The following MELTF variants were observed in gnomAD, a reference collection of about 807,000 sequenced individuals.
The protein encoded by MELTF is antigen p97 (melanoma associated) identified by monoclonal antibodies 133.2 and 96.5.
In MELTF, 67 loss-of-function variants were observed where a neutral mutation model predicts 83.7. The observed-to-expected ratio is 0.80, with a 90% CI of 0.66 to 0.98. MELTF has a LOEUF of 0.98. MELTF is among the 50% of genes least tolerant of loss of function. The pLI is 0.00. For missense variants in MELTF, 1,002 were observed against 1,035.6 expected (o/e 0.97, Z 0.44); for synonymous variants, 462 against 447.6 (o/e 1.03, Z -0.41).
chr3:197,020,802 G>A (rs1048714943), intron 6 of MELTF, among the ~76,000 whole-genome samples: 1 of 151,990 alleles, frequency 6.6e-6, no homozygotes, highest in Non-Finnish European at 1.5e-5. Context: ...CCAAGTAGCT[G>A]GGATTTGAGG....
intron 3 of MELTF, 81 bp downstream of exon 3, chr3:197,026,579 C>A: frequency 7.6e-7 from 1 of 1,308,764 alleles, no homozygotes; most frequent in Admixed American, 1.7e-5. Context: ...ATGGCCAGCT[C>A]AGGCCAGGCC....
chr3:197,021,358 G>A (rs765553732), intron 6 of MELTF, 46 bp downstream of exon 6: 2 of 1,599,408 alleles, frequency 1.3e-6, no homozygotes, highest in Admixed American at 3.3e-5. Context: ...AAGCCGGCCT[G>A]GCCTGACTCC....
chr3:197,003,378 G>T lies in MELTF; in HGVS notation c.2211C>A (p.Ala737=). The T allele has an allele frequency of 9.2e-7, 1 of 1,081,272 alleles. No homozygotes were observed. Among genetic ancestry groups the T allele is most frequent in the African/African-American group, 1.7e-5 (1 of 59,208 alleles). 67.0% of individuals were successfully genotyped at this position (1,081,272 alleles called of 1,614,324 possible). A position where few individuals can be genotyped will look rare whatever the true frequency, so the allele number is the denominator to read the frequency against. Reference sequence around the variant, plus strand: ...TGGGGCGGGGCGGCCGGGCTCAGAGGGCGGGCGGGAGCAGGCGGGCGGCGA... The same window carrying T: ...TGGGGCGGGGCGGCCGGGCTCAGAGTGCGGGCGGGAGCAGGCGGGCGGCGA... ...PALAARLLPP[A]L The change falls in exon 16 of 16, where the codon GCC becomes GCA. Residue 737 remains alanine, a synonymous_variant. Coordinates refer to ENST00000296350, the MANE Select transcript of MELTF (RefSeq NM_005929.6). The surrounding 1 kb of genome is among the most constrained non-coding windows in gnomAD (Gnocchi z 6.2).
chr3:197,011,204 C>T lies in MELTF; in HGVS notation c.1234-410G>A, dbSNP rs1435543255. ...GCCAGCACAGCGTGTGCTGCAATGC[C>T]TGTCTGTTAAATGCGTGTACAGATG... On this transcript the variant is annotated intron_variant, in intron 9 of 15. Coordinates refer to ENST00000296350, the MANE Select transcript of MELTF (RefSeq NM_005929.6). The surrounding 1 kb of genome is among the most constrained non-coding windows in gnomAD (Gnocchi z 4.2). 6.6e-6 allele frequency among the ~76,000 whole-genome samples: 1 copy of T among 152,224 alleles called. No homozygotes were observed. Among genetic ancestry groups the T allele is most frequent in the Admixed American group, 6.5e-5 (1 of 15,282 alleles).
intron 14 of MELTF, 61 bp from the exon 15 acceptor site, chr3:197,004,160 A>C: frequency 1.3e-6 from 2 of 1,520,732 alleles, no homozygotes; most frequent in Non-Finnish European, 1.8e-6. Context: ...TCACCCGCCC[A>C]GTGCCGCTAG....
At position 197,008,401 on chromosome 3, in the gene MELTF, C is replaced by T. The variant is rs1320372150; in HGVS notation, c.1750+256G>A. 6.6e-6 allele frequency among the ~76,000 whole-genome samples: 1 copy of T among 152,194 alleles called. No homozygotes were observed. The highest frequency in any genetic ancestry group is 1.5e-5 in the Non-Finnish European group (1 of 68,032). ...CAGATTGACTGGGATTGAGTTTCTA[C>T]CGTTTCGGTGGATTAGGGACTTGAA... On this transcript the variant is annotated intron_variant, in intron 13 of 15. Coordinates refer to ENST00000296350, the MANE Select transcript of MELTF (RefSeq NM_005929.6). The surrounding 1 kb of genome is among the most constrained non-coding windows in gnomAD (Gnocchi z 5.4).
At position 197,027,824 on chromosome 3, in the gene MELTF, C is replaced by T. The variant is rs1719922208; in HGVS notation, c.136G>A (p.Ala46Thr). The change falls in exon 2 of 16, where the codon GCG becomes ACG. Residue 46 changes from alanine to threonine, a missense_variant. Coordinates refer to ENST00000296350, the MANE Select transcript of MELTF (RefSeq NM_005929.6). ...CAGAGGAGGGAGGGCTGGATGCCCG[C>T]TTCCCGGAAGGCCTCGCTCATGTTG... ...CGNMSEAFRE[A>T]GIQPSLLCVR... 6.2e-7 allele frequency: 1 copy of T among 1,611,384 alleles called. No homozygotes were observed. Among genetic ancestry groups the T allele is most frequent in the South Asian group, 1.1e-5 (1 of 90,714 alleles).
rs372410536 is a variant in MELTF at position 197,009,004 on chromosome 3, T to C, written c.1526-39A>G. 129 of 1,610,244 alleles carry C rather than the reference T, an allele frequency of 8.0e-5. 2 individuals are homozygous for C. In the African/African-American group the frequency reaches 1.4e-3, roughly 18 times the overall value. On this transcript the variant is annotated intron_variant, in intron 11 of 15. Transcript: ENST00000296350. ...AAGGGCAATGATGAGGGGCCAGCAG[T>C]GGAAAGTGTGGGAGGGAGCTGGGCG...
chr3:197,005,329 G>C (rs1348411106), intron 14 of MELTF, among the ~76,000 whole-genome samples: 1 of 152,192 alleles, frequency 6.6e-6, no homozygotes, highest in Admixed American at 6.5e-5. Flanking sequence ...AGGGACGGGG[G>C]TCCAACTTTG....
rs1411263575 is a variant in MELTF, at chr3:197,003,914, C to G, written c.2124G>C (p.Gln708His). ...GGCCTGTCCTACCTGCGCCCGAGCA[C>G]TGCTGAGACGACATCCCTTCCAGCG... ...VAALEGMSSQ[Q>H]CSGAAAPAPG... The change falls in exon 15 of 16, where the codon CAG becomes CAC. Residue 708 changes from glutamine to histidine, a missense_variant. Physicochemically the swap from Gln to His is conservative, Grantham distance 24. Transcript: ENST00000296350. This position sits in a 1 kb window ranked among gnomAD's most constrained non-coding sequence, Gnocchi z 6.2. The G allele has an allele frequency of 5.6e-6, 9 of 1,613,586 alleles. No individual in the cohort carries two copies. Among genetic ancestry groups the G allele is most frequent in the Non-Finnish European group, 7.6e-6 (9 of 1,179,952 alleles).
At position 197,008,736 on chromosome 3, in the gene MELTF, A is replaced by G. The variant is rs1297554696; in HGVS notation, c.1683-12T>C. ...TCTCCACCAGGCACCTGCCACACAG[A>G]GGGCAGGGCAGGCGTCGGCAGGAGG... On this transcript the variant is annotated splice_polypyrimidine_tract_variant and intron_variant, in intron 12 of 15. Transcript: ENST00000296350. This position sits in a 1 kb window ranked among gnomAD's most constrained non-coding sequence, Gnocchi z 5.4. 2 of 1,613,718 alleles carry G rather than the reference A, an allele frequency of 1.2e-6. No individual in the cohort carries two copies. The highest frequency in any genetic ancestry group is 2.7e-5 in the African/African-American group (2 of 74,798).
chr3:197,027,915 G>C lies in MELTF; in HGVS notation c.50-5C>G. On this transcript the variant is annotated splice_region_variant and splice_polypyrimidine_tract_variant and intron_variant, in intron 1 of 15. Coordinates refer to ENST00000296350, the MANE Select transcript of MELTF (RefSeq NM_005929.6). Reference sequence around the variant, plus strand: ...GCACCTCCATGCCACCGAGCACTGCGGGCAGGGGACCGTGAGGCCCGGCTC... The same window carrying C: ...GCACCTCCATGCCACCGAGCACTGCCGGCAGGGGACCGTGAGGCCCGGCTC... 3 of 1,573,900 alleles carry C rather than the reference G, an allele frequency of 1.9e-6. No individual in the cohort carries two copies. Among genetic ancestry groups the C allele is most frequent in the Non-Finnish European group, 1.7e-6 (2 of 1,160,148 alleles).
At chr3:197,004,438 G>C in intron 14 of MELTF, 1 of 375,946 alleles carries the variant, frequency 2.7e-6, no homozygotes, top group Admixed American at 4.1e-5. Flanking sequence ...CGTTCTGCTA[G>C]GCCTGCTGAG....
chr3:197,004,100 C>T lies in MELTF; in HGVS notation c.1939-1G>A, dbSNP rs1222767604. 6.2e-7 allele frequency: 1 copy of T among 1,613,976 alleles called. No individual in the cohort carries two copies. Among genetic ancestry groups the T allele is most frequent in the East Asian group, 2.2e-5 (1 of 44,896 alleles). ...TATTGTGGTCGTCTCCAAACAGGTC[C>T]TGGAAGCACCGCAGGCAGACGACCT... On this transcript the variant is annotated splice_acceptor_variant, in intron 14 of 15. Transcript: ENST00000296350. LOFTEE classifies it high-confidence loss of function.
rs558303965 is a variant in MELTF, at chr3:197,013,295, G to A, written c.1233+2070C>T. Among the ~76,000 whole-genome samples, 5 of 152,166 alleles carry A rather than the reference G, an allele frequency of 3.3e-5. No homozygotes were observed. In the South Asian group the frequency reaches 1.0e-3, roughly 32 times the overall value. On this transcript the variant is annotated intron_variant, in intron 9 of 15. Coordinates refer to ENST00000296350, the MANE Select transcript of MELTF (RefSeq NM_005929.6). ...AGTGATCTCTTCTTCAGTGGACGCT[G>A]CTGGGAAGAAGCTGAATGTCCAAGT...
At chr3:197,019,045 G>A (rs928048839) in intron 6 of MELTF, 1 of 985,438 alleles carries the variant, frequency 1.0e-6, no homozygotes. Context: ...GTATGGTCAT[G>A]AAAGCTTTCA....
chr3:197,028,924 G>C (rs1401591588), intron 1 of MELTF: 1 of 152,352 alleles, frequency 6.6e-6, no homozygotes, highest in Non-Finnish European at 1.5e-5. Flanking sequence ...GGCCTGGGAA[G>C]TCGAACTGCC....
chr3:197,029,714 G>C lies in MELTF; in HGVS notation c.-12C>G. ...CTCGGACCCCGCATGGCGCCGTCGG[G>C]GCTGGCTGGGGCCGGGCTGGGGCTG... On this transcript the variant is annotated 5_prime_UTR_variant, in exon 1 of 16. Transcript: ENST00000296350. This position sits in a 1 kb window ranked among gnomAD's most constrained non-coding sequence, Gnocchi z 6.5. 1 of 1,235,692 alleles carries C rather than the reference G, an allele frequency of 8.1e-7. No homozygotes were observed. Among genetic ancestry groups the C allele is most frequent in the Non-Finnish European group, 1.0e-6 (1 of 990,122 alleles). 76.5% of individuals were successfully genotyped at this position (1,235,692 alleles called of 1,614,324 possible). A position where few individuals can be genotyped will look rare whatever the true frequency, so the allele number is the denominator to read the frequency against.
rs759053680 is a variant in MELTF at position 197,019,583 on chromosome 3, C to G, written c.712+1821G>C. 22 of 1,584,686 alleles carry G rather than the reference C, an allele frequency of 1.4e-5. No individual in the cohort carries two copies. In the South Asian group the frequency reaches 1.9e-4, roughly 14 times the overall value. On this transcript the variant is annotated intron_variant, in intron 6 of 15. Transcript: ENST00000296350. ...TGAGACCCCCATCTCAAAAAAAACC[C>G]CAAGTTTGAAAGAGCTGATTCTTAA...
Sources: allele counts gnomAD v4.1 joint callset (sites outside exome capture counted in the v4.1 genomes callset), GRCh38; gene constraint gnomAD v4.1.1; non-coding constraint Gnocchi (gnomAD v3.1); transcripts MANE v1.5; gene names NCBI Gene and HGNC (gene_info 2026-07-23, HGNC 2026-07-21).